The following DACH2 variants were observed in gnomAD, a reference collection of about 807,000 sequenced individuals.
The protein encoded by DACH2 is dachshund family transcription factor 2.
A neutral mutation model predicts 35.8 loss-of-function variants in DACH2; 17 were observed. The ratio of observed to expected loss-of-function variants is 0.48; its 90% CI spans 0.33 to 0.71. DACH2 has a LOEUF of 0.71. Among genes scored for constraint, DACH2 ranks in the 30% least tolerant of loss-of-function variants. The probability of loss-of-function intolerance (pLI) is 0.02; values close to 1 mark genes in which losing one functional copy is unlikely to be tolerated. For synonymous variants in DACH2, 195 were observed against 177.3 expected, an observed-to-expected ratio of 1.10 and a Z score of -0.79; for missense variants, 469 against 472.7, an observed-to-expected ratio of 0.99 and a Z score of 0.07.
chrX:86,401,342 C>T (rs778542834), intron 2 of DACH2, among the ~76,000 whole-genome samples: 28 of 112,150 alleles, frequency 2.5e-4, no homozygotes, highest in Non-Finnish European at 4.9e-4. Flanking sequence ...GAGGTGATGC[C>T]TTGCCCTGCT....
At chrX:86,779,110 A>C (rs1433043884) in intron 7 of DACH2, among the ~76,000 whole-genome samples, 1 of 112,017 alleles carries the variant, frequency 8.9e-6, no homozygotes, top group African/African-American at 3.2e-5. Flanking sequence ...TTATGTTTGC[A>C]TATTAATGTC....
chrX:86,380,157 T>C (rs1340285775), intron 2 of DACH2, among the ~76,000 whole-genome samples: 1 of 110,703 alleles, frequency 9.0e-6, no homozygotes, highest in Non-Finnish European at 1.9e-5. Context: ...TGAGTTCAGG[T>C]GATTTTTCAC....
chrX:86,502,885 C>T (rs1406485418), intron 2 of DACH2, among the ~76,000 whole-genome samples: 3 of 111,585 alleles, frequency 2.7e-5, no homozygotes, highest in African/African-American at 6.5e-5. Flanking sequence ...CATCAGCTAT[C>T]GTTAGTATTA....
At chrX:86,378,524 T>C (rs920473459) in intron 2 of DACH2, among the ~76,000 whole-genome samples, 15 of 111,051 alleles carry the variant, frequency 1.4e-4, no homozygotes, top group African/African-American at 4.9e-4. Context: ...AGGCTCAGTA[T>C]TGTTAAGATC....
intron 2 of DACH2, among the ~76,000 whole-genome samples, chrX:86,393,720 G>C (rs982217784): frequency 9.0e-6 from 1 of 111,156 alleles, no homozygotes; most frequent in African/African-American, 3.3e-5. Context: ...TATTTACTTG[G>C]TGATGCCTAT....
chrX:86,377,861 G>C (rs1270828705), intron 2 of DACH2, among the ~76,000 whole-genome samples: 1 of 110,317 alleles, frequency 9.1e-6, no homozygotes. Context: ...TATATTAAAA[G>C]TTAGTTTTAC....
At chrX:86,186,735 G>A (rs1241169597) in intron 1 of DACH2, among the ~76,000 whole-genome samples, 1 of 111,656 alleles carries the variant, frequency 9.0e-6, no homozygotes, top group Admixed American at 9.5e-5. Flanking sequence ...ATTGGAAAAA[G>A]AAAGGAGTAA....
chrX:86,343,582 T>G (rs1470927278), intron 1 of DACH2, among the ~76,000 whole-genome samples: 1 of 111,246 alleles, frequency 9.0e-6, no homozygotes, highest in East Asian at 2.8e-4. Context: ...AAAGAGAGAA[T>G]GTAGCCCAAG....
intron 3 of DACH2, among the ~76,000 whole-genome samples, chrX:86,583,414 A>T (rs1422424221): frequency 9.0e-6 from 1 of 111,435 alleles, no homozygotes; most frequent in African/African-American, 3.3e-5. Flanking sequence ...GTAGAGCAGA[A>T]GTCAAAGTAT....
chrX:86,607,253 C>A (rs1327026564), intron 3 of DACH2, among the ~76,000 whole-genome samples: 1 of 111,481 alleles, frequency 9.0e-6, no homozygotes, highest in Non-Finnish European at 1.9e-5. Flanking sequence ...GTTTTGATGT[C>A]TTTTCATGCT....
At chrX:86,186,596 G>A (rs2031689394) in intron 1 of DACH2, among the ~76,000 whole-genome samples, 1 of 111,607 alleles carries the variant, frequency 9.0e-6, no homozygotes. Context: ...TGTTAAGTAG[G>A]ACGTTTATAA....
intron 3 of DACH2, among the ~76,000 whole-genome samples, chrX:86,634,723 T>G (rs921489532): frequency 9.0e-6 from 1 of 111,422 alleles, no homozygotes; most frequent in Non-Finnish European, 1.9e-5. Flanking sequence ...TAGGAATATA[T>G]TTAACCAAGA....
chrX:86,759,629 A>G (rs2041861531), intron 7 of DACH2, among the ~76,000 whole-genome samples: 1 of 109,455 alleles, frequency 9.1e-6, no homozygotes, highest in Non-Finnish European at 1.9e-5. Context: ...ATTCATTTAC[A>G]TTCAAGGTTA....
chrX:86,810,621 C>T (rs189093077), intron 7 of DACH2, among the ~76,000 whole-genome samples: 1 of 111,633 alleles, frequency 9.0e-6, no homozygotes, highest in African/African-American at 3.2e-5. Flanking sequence ...AGAAAAAATA[C>T]TACTTAAATG....
chrX:86,645,668 G>T (rs184883566), intron 3 of DACH2, among the ~76,000 whole-genome samples: 65 of 111,103 alleles, frequency 5.9e-4, no homozygotes, highest in Middle Eastern at 9.2e-3. Flanking sequence ...CATCAATGAT[G>T]GACTGGATAA....
At chrX:86,211,077 C>G (rs1318162005) in intron 1 of DACH2, among the ~76,000 whole-genome samples, 1 of 111,367 alleles carries the variant, frequency 9.0e-6, no homozygotes, top group Non-Finnish European at 1.9e-5. Flanking sequence ...CTGTGATTTA[C>G]TGAGGGTTTG....
At chrX:86,466,146 C>T (rs1313170865) in intron 2 of DACH2, among the ~76,000 whole-genome samples, 1 of 111,562 alleles carries the variant, frequency 9.0e-6, no homozygotes, top group Admixed American at 9.6e-5. Context: ...GTACTTCTTA[C>T]ATGGTGGCAG....
At chrX:86,273,545 T>A (rs1315715373) in intron 1 of DACH2, among the ~76,000 whole-genome samples, 1 of 112,265 alleles carries the variant, frequency 8.9e-6, no homozygotes, top group African/African-American at 3.2e-5. Context: ...GTGAAAAAAG[T>A]TTCCTTTCAA....
intron 1 of DACH2, among the ~76,000 whole-genome samples, chrX:86,294,243 C>T (rs1305200598): frequency 6.3e-5 from 7 of 111,529 alleles, no homozygotes; most frequent in African/African-American, 1.3e-4. Context: ...GCATTCTTCA[C>T]GTAGTTCTCG....
Sources: gnomAD v4.1 joint callset for allele counts (sites outside exome capture counted in the v4.1 genomes callset) on GRCh38, gnomAD v4.1.1 for gene constraint, MANE v1.5 for transcripts, NCBI Gene and HGNC (gene_info 2026-07-23, HGNC 2026-07-21) for gene names.